BRF1: variants seen among roughly 807,000 people sequenced by gnomAD.
The protein encoded by BRF1 is BRF1 general transcription factor IIIB subunit.
In BRF1, 59 loss-of-function variants were observed where a neutral mutation model predicts 81.7. That is an observed-to-expected ratio of 0.72 (90% CI 0.59 to 0.90). The LOEUF (loss-of-function observed/expected upper bound fraction) is 0.90. BRF1 is among the 40% of genes least tolerant of loss of function. BRF1 has a pLI of 0.00. For missense variants in BRF1, 1,050 were observed against 936.3 expected (o/e 1.12, Z -1.58); for synonymous variants, 491 against 395.6 (o/e 1.24, Z -2.86).
At chr14:105,240,840 C>T (rs2054540728) in intron 6 of BRF1, among the ~76,000 whole-genome samples, 1 of 106,882 alleles carries the variant, frequency 9.4e-6, no homozygotes, top group African/African-American at 4.0e-5. Flanking sequence ...CACCACTATC[C>T]GCGTAGTCGC....
chr14:105,294,270 C>A (rs1305057785), intron 1 of BRF1, among the ~76,000 whole-genome samples: 1 of 152,244 alleles, frequency 6.6e-6, no homozygotes, highest in Non-Finnish European at 1.5e-5. Context: ...CTGCGCCTCC[C>A]TCCAGAGAGT....
At position 105,256,163 on chromosome 14, in the gene BRF1, A is replaced by T. The variant is rs1237309526; in HGVS notation, c.471+355T>A. On this transcript the variant is annotated intron_variant, in intron 4 of 17. Coordinates refer to ENST00000547530, the MANE Select transcript of BRF1 (RefSeq NM_001519.4). The stretch of plus-strand genomic sequence containing the variant: ...TAAATAAAATGCAAGGTCAAAAGAA[A>T]TAATCTCCTATACCAAACTAGGTAC... The T allele has an allele frequency of 2.7e-6, 4 of 1,485,264 alleles. No homozygotes were observed. In the East Asian group the frequency reaches 7.5e-5, roughly 28 times the overall value. The allele number at this position is 1,485,264 out of a possible 1,614,324, so 92.0% of individuals were successfully genotyped here.
chr14:105,217,458 C>A, intron 15 of BRF1, 86 bp downstream of exon 15: 1 of 1,554,988 alleles, frequency 6.4e-7, no homozygotes, highest in Admixed American at 1.8e-5. Context: ...CCCGGCTGGC[C>A]CCCGGCAGCT....
In BRF1 at chr14:105,219,795, C is replaced by A. The variant is rs587754911; in HGVS notation, c.1377+274G>T. Reference sequence around the variant, plus strand: ...GGGGCTGCCCCTGGTGCTATTTGTGCGATGTGTGCCTGCTGCAGGCTATGT... The same window carrying A: ...GGGGCTGCCCCTGGTGCTATTTGTGAGATGTGTGCCTGCTGCAGGCTATGT... On this transcript the variant is annotated intron_variant, in intron 12 of 17. Transcript: ENST00000547530. 42 of 543,514 alleles carry A rather than the reference C, an allele frequency of 7.7e-5. No individual in the cohort carries two copies. In the Middle Eastern group the frequency reaches 3.0e-3, roughly 39 times the overall value. 33.7% of individuals were successfully genotyped at this position (543,514 alleles called of 1,614,324 possible). A position where few individuals can be genotyped will look rare whatever the true frequency, so the allele number is the denominator to read the frequency against.
In BRF1 at chr14:105,209,827, G is replaced by C; in HGVS notation, c.*724C>G. The C allele has an allele frequency of 2.0e-6, 1 of 507,304 alleles. No individual in the cohort carries two copies. Among genetic ancestry groups the C allele is most frequent in the South Asian group, 3.0e-5 (1 of 32,874 alleles). 31.4% of individuals were successfully genotyped at this position (507,304 alleles called of 1,614,324 possible). ...GCACTCAGTTCACCTGCCGGCAGCC[G>C]CAGGGCTCCTGGGCCCACAACTCAA... On this transcript the variant is annotated 3_prime_UTR_variant, in exon 18 of 18. Coordinates refer to ENST00000547530, the MANE Select transcript of BRF1 (RefSeq NM_001519.4).
intron 5 of BRF1, chr14:105,250,108 C>T: frequency 6.2e-7 from 1 of 1,612,970 alleles, no homozygotes; most frequent in Non-Finnish European, 8.5e-7. Context: ...ACGGCGCTGC[C>T]CAGTCAGACA....
chr14:105,280,769 C>T (rs1272170974), intron 2 of BRF1, among the ~76,000 whole-genome samples: 3 of 149,006 alleles, frequency 2.0e-5, no homozygotes, highest in South Asian at 2.1e-4. Context: ...ATATAGCCCA[C>T]GTGACCCTGA....
intron 7 of BRF1, chr14:105,227,027 A>T (rs1893217630): frequency 2.4e-6 from 1 of 411,504 alleles, no homozygotes; most frequent in Non-Finnish European, 4.3e-6. Flanking sequence ...GGTCAGGGAG[A>T]ATCGCTTGAG....
chr14:105,247,981 C>T (rs1180344196), intron 5 of BRF1: 2 of 985,354 alleles, frequency 2.0e-6, no homozygotes, highest in East Asian at 1.1e-4. Flanking sequence ...AGAGGCAGGG[C>T]GCGCCCTGGG....
intron 1 of BRF1, among the ~76,000 whole-genome samples, chr14:105,287,355 A>T (rs2057352690): frequency 6.6e-6 from 1 of 152,098 alleles, no homozygotes; most frequent in Non-Finnish European, 1.5e-5. Flanking sequence ...TGATCTTCCA[A>T]CGAGAACAGT....
At chr14:105,247,334 T>C in intron 5 of BRF1, 1 of 985,430 alleles carries the variant, frequency 1.0e-6, no homozygotes, top group Non-Finnish European at 1.2e-6. Flanking sequence ...CAACACTACG[T>C]GACAAGTCTC....
At chr14:105,212,614 C>T (rs746316457) in intron 15 of BRF1, 3 of 165,714 alleles carry the variant, frequency 1.8e-5, no homozygotes, top group East Asian at 3.4e-4. Context: ...CGGCCCGCCA[C>T]ACACAAAGGC....
At chr14:105,219,488 G>A (rs1032148887) in intron 12 of BRF1, 11 of 704,360 alleles carry the variant, frequency 1.6e-5, no homozygotes, top group African/African-American at 7.2e-5. Flanking sequence ...AAGCCCTGCC[G>A]GCACCAGGAC....
Position 105,309,926 on chromosome 14 carries a change from C to T in BRF1, c.-162+5396G>A, listed in dbSNP as rs972055482. Reference sequence around the variant, plus strand: ...TCAGCCTCCCGACTAGCTGGGACTACAGGCGCCCGCCACCACACCCGACTA... The same window carrying T: ...TCAGCCTCCCGACTAGCTGGGACTATAGGCGCCCGCCACCACACCCGACTA... On this transcript the variant is annotated intron_variant, in intron 1 of 17. Transcript: ENST00000327359. This position sits in a 1 kb window ranked among gnomAD's most constrained non-coding sequence, Gnocchi z 4.0. Among the ~76,000 whole-genome samples the T allele has an allele frequency of 6.6e-6, 1 of 151,692 alleles. No homozygotes were observed. The highest frequency in any genetic ancestry group is 1.5e-5 in the Non-Finnish European group (1 of 67,958).
At chr14:105,286,531 A>G (rs1485972044) in intron 1 of BRF1, among the ~76,000 whole-genome samples, 155 bp from the exon 2 acceptor site, 1 of 152,184 alleles carries the variant, frequency 6.6e-6, no homozygotes, top group African/African-American at 2.4e-5. Context: ...TCACTGAGCC[A>G]GGAACCCCAG....
intron 11 of BRF1, 46 bp downstream of exon 11, chr14:105,221,602 A>C (rs1358640785): frequency 6.3e-7 from 1 of 1,578,688 alleles, no homozygotes; most frequent in African/African-American, 1.4e-5. Flanking sequence ...CGCCTGAAAG[A>C]TCTCCCGATG....
intron 1 of BRF1, among the ~76,000 whole-genome samples, chr14:105,289,695 GTGCGA>G (rs1350791015): frequency 1.3e-5 from 2 of 152,198 alleles, no homozygotes; most frequent in Non-Finnish European, 2.9e-5. Context: ...GAGTGTAGTG[GTGCGA>G]TCTCGGCTCA....
intron 12 of BRF1, 81 bp from the exon 13 acceptor site, chr14:105,219,313 G>T (rs747623243): frequency 6.3e-7 from 1 of 1,585,188 alleles, no homozygotes; most frequent in Admixed American, 1.7e-5. Context: ...CCAGCGGGAA[G>T]TATTTCCACC....
At chr14:105,241,109 A>T (rs1241942466) in intron 6 of BRF1, among the ~76,000 whole-genome samples, 156 bp downstream of exon 6, 2 of 152,146 alleles carry the variant, frequency 1.3e-5, no homozygotes, top group African/African-American at 4.8e-5. Flanking sequence ...AGGGCTGAGG[A>T]CCCCGGTGGG....
Sources: allele counts gnomAD v4.1 joint callset (sites outside exome capture counted in the v4.1 genomes callset), GRCh38; gene constraint gnomAD v4.1.1; non-coding constraint Gnocchi (gnomAD v3.1); transcripts MANE v1.5; gene names NCBI Gene and HGNC (gene_info 2026-07-23, HGNC 2026-07-21).